ETV5: variants seen among roughly 807,000 people sequenced by gnomAD.
ETV5 encodes the protein ETS translocation variant 5.
Under a neutral mutation model 70.0 loss-of-function variants are expected in ETV5, and 10 were observed. The ratio of observed to expected loss-of-function variants is 0.14; its 90% CI spans 0.09 to 0.24. The LOEUF (loss-of-function observed/expected upper bound fraction) is 0.24. Among genes scored for constraint, ETV5 ranks in the 10% least tolerant of loss-of-function variants. The pLI, the probability that ETV5 is intolerant of heterozygous loss-of-function variation, is 1.00. For synonymous variants in ETV5, 216 were observed against 242.2 expected, an observed-to-expected ratio of 0.89 and a Z score of 1.01; for missense variants, 453 against 651.2, an observed-to-expected ratio of 0.70 and a Z score of 3.31.
At chr3:186,071,002 T>G (rs1713618107) in intron 7 of ETV5, among the ~76,000 whole-genome samples, 1 of 152,246 alleles carries the variant, frequency 6.6e-6, no homozygotes, top group Non-Finnish European at 1.5e-5. Context: ...GGTCACAGTT[T>G]AAGGCTTTTT....
In ETV5 at chr3:186,081,027, ACTC is replaced by A. The variant is rs989990244; in HGVS notation, c.362+16_362+18del. ...AGCCTTTCTGGGCAGCCTTTCTTCGACTCCTCTTGCCCACTCACCAATAGTTGT... is the reference window on the plus strand; with the variant it reads ...AGCCTTTCTGGGCAGCCTTTCTTCGACTCTTGCCCACTCACCAATAGTTGT... On this transcript the variant is annotated intron_variant, in intron 6 of 12. Transcript: ENST00000306376. 4.4e-6 allele frequency: 7 copies of A among 1,588,284 alleles called. No homozygotes were observed. Among genetic ancestry groups the A allele is most frequent in the Non-Finnish European group, 6.0e-6 (7 of 1,165,790 alleles).
At chr3:186,070,013 C>T (rs1713563036) in intron 7 of ETV5, among the ~76,000 whole-genome samples, 1 of 151,258 alleles carries the variant, frequency 6.6e-6, no homozygotes. Flanking sequence ...GGTTTCACCA[C>T]ATTGGCCAGG....
chr3:186,106,270 T>G (rs1042178355), intron 1 of ETV5, among the ~76,000 whole-genome samples: 1 of 152,222 alleles, frequency 6.6e-6, no homozygotes, highest in African/African-American at 2.4e-5. Context: ...GATTTCAAGA[T>G]TCTCTCATAT....
chr3:186,098,932 T>A (rs1286878959), intron 5 of ETV5, among the ~76,000 whole-genome samples: 1 of 152,190 alleles, frequency 6.6e-6, no homozygotes, highest in African/African-American at 2.4e-5. Context: ...GACCACAGAA[T>A]CCCCATTCCA....
chr3:186,053,039 T>C (rs533031354), intron 11 of ETV5, among the ~76,000 whole-genome samples: 18 of 152,116 alleles, frequency 1.2e-4, no homozygotes, highest in Non-Finnish European at 2.1e-4. Context: ...GGGGTCACGT[T>C]TGGAGCATTT....
At chr3:186,106,905 G>A in intron 1 of ETV5, 2 of 975,804 alleles carry the variant, frequency 2.0e-6, no homozygotes, top group African/African-American at 1.8e-5. Flanking sequence ...TAAAAACACC[G>A]TTAAGTCAAC....
Position 186,057,957 on chromosome 3 carries a change from AT to A in ETV5, c.971-467del, listed in dbSNP as rs1274174547. 2.0e-5 allele frequency among the ~76,000 whole-genome samples: 3 copies of A among 152,228 alleles called. No individual in the cohort carries two copies. The highest frequency in any genetic ancestry group is 4.4e-5 in the Non-Finnish European group (3 of 68,044). ...CCAAGCTACTCACATACCTCGTTCA[AT>A]TACGAAAGAGCTTGAAGGGTAAAGA... On this transcript the variant is annotated intron_variant, in intron 9 of 12. Coordinates refer to ENST00000306376, the MANE Select transcript of ETV5 (RefSeq NM_004454.3). The surrounding 1 kb of genome is among the most constrained non-coding windows in gnomAD (Gnocchi z 4.9).
In ETV5 at chr3:186,105,983, A is replaced by T. The variant is rs75694702; in HGVS notation, c.-74-41T>A. The T allele has an allele frequency of 2.4e-3, 3,445 of 1,409,526 alleles. 71 individuals carry two copies. The African/African-American group carries it at 0.044, about 18-fold the overall frequency. 87.3% of individuals were successfully genotyped at this position (1,409,526 alleles called of 1,614,324 possible). ...GGGAGATTTTAACTAAGAGGGGGGA[A>T]AAAAAGAAATGAAACAATTTTAGAC... is the stretch of plus-strand genomic sequence containing the variant. On this transcript the variant is annotated intron_variant, in intron 1 of 12. Transcript: ENST00000306376. This position sits in a 1 kb window ranked among gnomAD's most constrained non-coding sequence, Gnocchi z 4.5.
intron 9 of ETV5, chr3:186,064,071 T>G: frequency 4.3e-6 from 1 of 231,236 alleles, no homozygotes; most frequent in Non-Finnish European, 8.5e-6. Context: ...TCTGGAAATG[T>G]GGAAATAAGG....
At chr3:186,072,184 C>T (rs1713656784) in intron 7 of ETV5, among the ~76,000 whole-genome samples, 1 of 151,426 alleles carries the variant, frequency 6.6e-6, no homozygotes, top group Admixed American at 6.6e-5. Flanking sequence ...AGTTTGAGAC[C>T]AGCCTGGCCA....
In ETV5 at chr3:186,052,016, G is replaced by T. The variant is rs374751102; in HGVS notation, c.1311+14C>A. On this transcript the variant is annotated intron_variant, in intron 12 of 12. Transcript: ENST00000306376. This position sits in a 1 kb window ranked among gnomAD's most constrained non-coding sequence, Gnocchi z 4.5. ...GAGACCAGAGTGGGCTAAGGGTCTTGTATAATGGCTCACCTTCTGCATGAT... is the reference window on the plus strand; with the variant it reads ...GAGACCAGAGTGGGCTAAGGGTCTTTTATAATGGCTCACCTTCTGCATGAT... The T allele has an allele frequency of 7.2e-5, 116 of 1,612,278 alleles. 1 individual carries two copies. The African/African-American group carries it at 1.4e-3, about 19-fold the overall frequency.
In ETV5 at chr3:186,057,399, C is replaced by T. The variant is rs778656500; in HGVS notation, c.1039+24G>A. ...ACACCTCCAAACCTCTACCTGGCAA[C>T]AAACCTTGGATGGGGCTACTTACCT... is the stretch of plus-strand genomic sequence containing the variant. On this transcript the variant is annotated intron_variant, in intron 10 of 12. Coordinates refer to ENST00000306376, the MANE Select transcript of ETV5 (RefSeq NM_004454.3). The surrounding 1 kb of genome is among the most constrained non-coding windows in gnomAD (Gnocchi z 4.9). The T allele has an allele frequency of 1.9e-6, 3 of 1,613,808 alleles. No homozygotes were observed. Among genetic ancestry groups the T allele is most frequent in the Non-Finnish European group, 2.5e-6 (3 of 1,179,720 alleles).
At chr3:186,070,584 G>A (rs1176851480) in intron 7 of ETV5, among the ~76,000 whole-genome samples, 1 of 152,212 alleles carries the variant, frequency 6.6e-6, no homozygotes, top group African/African-American at 2.4e-5. Context: ...CTCAGGGGTA[G>A]GTCACAAAGC....
chr3:186,093,341 A>C (rs1392782057), intron 5 of ETV5, among the ~76,000 whole-genome samples: 1 of 152,176 alleles, frequency 6.6e-6, no homozygotes, highest in Non-Finnish European at 1.5e-5. Context: ...AAATCTCATT[A>C]TTTGAACTAT....
chr3:186,080,405 G>A (rs1713905085), intron 6 of ETV5, among the ~76,000 whole-genome samples: 1 of 151,808 alleles, frequency 6.6e-6, no homozygotes, highest in African/African-American at 2.4e-5. Flanking sequence ...GTGTAGGGTG[G>A]GTGGGTGAGG....
At chr3:186,072,079 C>T (rs150447283) in intron 7 of ETV5, among the ~76,000 whole-genome samples, 59 of 143,944 alleles carry the variant, frequency 4.1e-4, no homozygotes, top group Non-Finnish European at 8.1e-4. Context: ...GGATTACAGG[C>T]GTCAGCCTGT....
At position 186,057,410 on chromosome 3, in the gene ETV5, TG is replaced by T; in HGVS notation, c.1039+12del. ...CCTCTACCTGGCAACAAACCTTGGA[TG>T]GGGCTACTTACCTTCCAGTCTCTCA... On this transcript the variant is annotated intron_variant, in intron 10 of 12. Transcript: ENST00000306376. This position sits in a 1 kb window ranked among gnomAD's most constrained non-coding sequence, Gnocchi z 4.9. The T allele has an allele frequency of 6.2e-7, 1 of 1,613,866 alleles. No individual in the cohort carries two copies. The highest frequency in any genetic ancestry group is 1.1e-5 in the South Asian group (1 of 91,074).
intron 7 of ETV5, among the ~76,000 whole-genome samples, chr3:186,072,858 G>A (rs561413943): frequency 6.6e-6 from 1 of 152,316 alleles, no homozygotes; most frequent in South Asian, 2.1e-4. Flanking sequence ...ACTTTGGCTG[G>A]GCGTGGTGGT....
rs758040191 is a variant in ETV5 at position 186,079,963 on chromosome 3, T to G, written c.504A>C (p.Pro168=). ...CGGGGGCGGGGCCCACACCTTGAAC[T>G]GGGCCAGCTGCAGGGGCATGCCCTG... ...PTSGHAPAAG[P]VQGVGPAPAP... The change falls in exon 7 of 13, where the codon CCA becomes CCC. Residue 168 remains proline (P), a synonymous_variant. Coordinates refer to ENST00000306376, the MANE Select transcript of ETV5 (RefSeq NM_004454.3). 3.8e-6 allele frequency: 6 copies of G among 1,582,346 alleles called. No individual in the cohort carries two copies. The highest frequency in any genetic ancestry group is 2.3e-5 in the East Asian group (1 of 42,658).
Sources: gnomAD v4.1 joint callset for allele counts (sites outside exome capture counted in the v4.1 genomes callset) on GRCh38, gnomAD v4.1.1 for gene constraint, Gnocchi (gnomAD v3.1) non-coding constraint, MANE v1.5 for transcripts, NCBI Gene and HGNC (gene_info 2026-07-23, HGNC 2026-07-21) for gene names.